The following LRRC8C variants were observed in gnomAD, a reference collection of about 807,000 sequenced individuals.
LRRC8C encodes leucine rich repeat containing 8 VRAC subunit C, also known as volume-regulated anion channel subunit LRRC8C.
In LRRC8C, 20 loss-of-function variants were observed where a neutral mutation model predicts 55.3. That is an observed-to-expected ratio of 0.36 (90% CI 0.25 to 0.53). The LOEUF (loss-of-function observed/expected upper bound fraction) is 0.53, where lower values mean the gene tolerates loss of function less well. Among genes scored for constraint, LRRC8C ranks in the 20% least tolerant of loss-of-function variants. LRRC8C has a pLI of 0.92. For synonymous variants in LRRC8C, 376 were observed against 360.7 expected (o/e 1.04, Z -0.48); for missense variants, 659 against 951.4 (o/e 0.69, Z 4.04).
intron 2 of LRRC8C, among the ~76,000 whole-genome samples, chr1:89,689,936 G>A (rs545672796): frequency 4.0e-5 from 6 of 150,976 alleles, no homozygotes; most frequent in Admixed American, 6.6e-5. Flanking sequence ...GCAAGACTCC[G>A]TCTCAAAAAA....
At position 89,679,511 on chromosome 1, in the gene LRRC8C, G is replaced by A. The variant is rs577450074; in HGVS notation, c.-4-6959G>A. Among the ~76,000 whole-genome samples the A allele has an allele frequency of 3.9e-5, 6 of 152,200 alleles. No individual in the cohort carries two copies. The East Asian group carries it at 5.8e-4, about 15-fold the overall frequency. The stretch of plus-strand genomic sequence containing the variant: ...GGAGATTACAGTGAGCCAAGATCAC[G>A]CCACTGCACTCCAGCCAGGGTGACA... On this transcript the variant is annotated intron_variant, in intron 1 of 2. Transcript: ENST00000370454.
chr1:89,654,355 C>T (rs958308996), intron 1 of LRRC8C, among the ~76,000 whole-genome samples: 2 of 152,142 alleles, frequency 1.3e-5, no homozygotes, highest in African/African-American at 4.8e-5. Context: ...AAATCCCAGA[C>T]TTCACCACTA....
At chr1:89,656,962 A>G (rs1007952562) in intron 1 of LRRC8C, among the ~76,000 whole-genome samples, 1 of 151,980 alleles carries the variant, frequency 6.6e-6, no homozygotes, top group African/African-American at 2.4e-5. Context: ...GCATGATTCA[A>G]AGGGGTTAAA....
intron 1 of LRRC8C, among the ~76,000 whole-genome samples, chr1:89,662,210 G>C (rs1192272239): frequency 6.6e-6 from 1 of 152,176 alleles, no homozygotes; most frequent in African/African-American, 2.4e-5. Context: ...GCAAATTTCT[G>C]TTGGGTCATA....
At chr1:89,649,735 A>G (rs948614667) in intron 1 of LRRC8C, among the ~76,000 whole-genome samples, 2 of 152,154 alleles carry the variant, frequency 1.3e-5, no homozygotes, top group African/African-American at 4.8e-5. Context: ...TGGAGGAACT[A>G]TCTTGACAGG....
chr1:89,712,659 T>C (rs935323173), intron 2 of LRRC8C, 50 bp from the exon 3 acceptor site: 1 of 1,363,640 alleles, frequency 7.3e-7, no homozygotes, highest in African/African-American at 1.4e-5. Flanking sequence ...AATGACATTA[T>C]GAAAGCTCTT....
rs913956776 is a variant in LRRC8C, at chr1:89,662,091, TGAA to T, written c.-4-24369_-4-24367del. Among the ~76,000 whole-genome samples, 28 of 152,230 alleles carry T rather than the reference TGAA, an allele frequency of 1.8e-4. 2 individuals carry two copies. Among genetic ancestry groups the T allele is most frequent in the Admixed American group, 9.1e-4 (14 of 15,306 alleles). On this transcript the variant is annotated intron_variant, in intron 1 of 2. Coordinates refer to ENST00000370454, the MANE Select transcript of LRRC8C (RefSeq NM_032270.5). ...TCTTTTGGCCTCCCTGGGACACACT[TGAA>T]GAAGAAGAATTGTCTTGGGCCACAC...
chr1:89,632,289 C>G (rs1215976381), upstream of LRRC8C: 1 of 152,198 alleles, frequency 6.6e-6, no homozygotes, highest in Non-Finnish European at 1.5e-5. Context: ...CCTCCATACT[C>G]GTTAAACAAC....
intron 1 of LRRC8C, among the ~76,000 whole-genome samples, chr1:89,656,982 C>CCATTTCCACTACAT (rs1656962866): frequency 1.3e-5 from 2 of 152,148 alleles, no homozygotes; most frequent in African/African-American, 2.4e-5. Flanking sequence ...ATAACCTGCC[C>CCATTTCCACTACAT]AAAGTCACTA....
At chr1:89,617,328 C>T in the LRRC8C span, among the ~76,000 whole-genome samples, 7 of 152,310 alleles carry the variant, frequency 4.6e-5, no homozygotes, top group South Asian at 4.1e-4. Context: ...ATTAAAACCA[C>T]GGTTCACAAT....
At chr1:89,656,803 C>A (rs1317477062) in intron 1 of LRRC8C, among the ~76,000 whole-genome samples, 1 of 152,086 alleles carries the variant, frequency 6.6e-6, no homozygotes, top group Non-Finnish European at 1.5e-5. Flanking sequence ...AGAAGATTCC[C>A]AAGAGAGAAG....
chr1:89,647,726 A>G (rs1025140844), intron 1 of LRRC8C, among the ~76,000 whole-genome samples: 1 of 152,184 alleles, frequency 6.6e-6, no homozygotes, highest in Non-Finnish European at 1.5e-5. Flanking sequence ...AAAAAACTTA[A>G]TTTTATCTCA....
intron 1 of LRRC8C, among the ~76,000 whole-genome samples, chr1:89,656,008 A>G (rs1387459429): frequency 6.6e-6 from 1 of 152,246 alleles, no homozygotes. Context: ...AGGAGAGGCT[A>G]AATACTGGAA....
At chr1:89,636,033 A>G (rs1335776461) in intron 1 of LRRC8C, among the ~76,000 whole-genome samples, 1 of 152,226 alleles carries the variant, frequency 6.6e-6, no homozygotes, top group Non-Finnish European at 1.5e-5. Flanking sequence ...GGTAAAGAGA[A>G]TGGCCTCCAG....
intron 2 of LRRC8C, among the ~76,000 whole-genome samples, chr1:89,688,298 G>C (rs1036451767): frequency 1.3e-5 from 2 of 152,138 alleles, no homozygotes; most frequent in Admixed American, 1.3e-4. Flanking sequence ...TGCGTATCAG[G>C]CACTGTTCTA....
At chr1:89,686,052 C>CAA (rs74261777) in intron 1 of LRRC8C, among the ~76,000 whole-genome samples, 52 of 73,104 alleles carry the variant, frequency 7.1e-4, no homozygotes, top group African/African-American at 1.2e-3. Context: ...TGGTTTAAAG[C>CAA]AAAAAAAAAA....
intron 1 of LRRC8C, among the ~76,000 whole-genome samples, chr1:89,669,954 A>G (rs1570711394): frequency 6.6e-6 from 1 of 152,142 alleles, no homozygotes; most frequent in Non-Finnish European, 1.5e-5. Flanking sequence ...TAATAAAACC[A>G]GATATTTGAG....
chr1:89,620,109 T>C, the LRRC8C span, among the ~76,000 whole-genome samples: 4 of 152,332 alleles, frequency 2.6e-5, no homozygotes, highest in African/African-American at 4.8e-5. Context: ...TAAGGGCTTC[T>C]CTGCTTCATA....
At chr1:89,673,582 G>A (rs1657478083) in intron 1 of LRRC8C, among the ~76,000 whole-genome samples, 1 of 151,862 alleles carries the variant, frequency 6.6e-6, no homozygotes, top group Non-Finnish European at 1.5e-5. Flanking sequence ...TTTTTTTTCT[G>A]ACATAGGATG....
Sources: gnomAD v4.1 joint callset for allele counts (sites outside exome capture counted in the v4.1 genomes callset) on GRCh38, gnomAD v4.1.1 for gene constraint, MANE v1.5 for transcripts, NCBI Gene and HGNC (gene_info 2026-07-23, HGNC 2026-07-21) for gene names.